DMRTB1: variants seen among roughly 807,000 people sequenced by gnomAD.
DMRTB1 encodes the protein DMRT like family B with proline rich C-terminal 1.
A neutral mutation model predicts 25.2 loss-of-function variants in DMRTB1; 9 were observed. The observed-to-expected ratio is 0.36, with a 90% CI of 0.22 to 0.62. The LOEUF is 0.62. Among genes scored for constraint, DMRTB1 ranks in the 20% least tolerant of loss-of-function variants. The probability of loss-of-function intolerance (pLI) is 0.71; values close to 1 mark genes in which losing one functional copy is unlikely to be tolerated. For missense variants in DMRTB1, 551 were observed against 499.3 expected (o/e 1.10, Z -0.99); for synonymous variants, 269 against 238.1 (o/e 1.13, Z -1.20).
At chr1:53,460,174 A>G (rs1557921659) in intron 1 of DMRTB1, 144 bp downstream of exon 1, 1 of 1,220,696 alleles carries the variant, frequency 8.2e-7, no homozygotes, top group East Asian at 3.1e-5. Flanking sequence ...CCCTTCTTCG[A>G]ACAGGGATTT....
intron 1 of DMRTB1, 76 bp downstream of exon 1, chr1:53,460,106 A>T: frequency 6.9e-7 from 1 of 1,455,810 alleles, no homozygotes; most frequent in South Asian, 1.4e-5. Context: ...GAGCTGGCAT[A>T]GGGGTTCGGG....
At chr1:53,462,359 C>G (rs1410838883) in intron 2 of DMRTB1, among the ~76,000 whole-genome samples, 1 of 152,134 alleles carries the variant, frequency 6.6e-6, no homozygotes, top group African/African-American at 2.4e-5. Flanking sequence ...CCCCCTCTCT[C>G]CTTAATGAAA....
In DMRTB1 at chr1:53,459,429, T is replaced by C. The variant is rs1644003850; in HGVS notation, c.-25T>C. The C allele has an allele frequency of 3.1e-6, 5 of 1,612,708 alleles. No homozygotes were observed. The highest frequency in any genetic ancestry group is 4.2e-6 in the Non-Finnish European group (5 of 1,179,898). On this transcript the variant is annotated 5_prime_UTR_variant, in exon 1 of 4. Coordinates refer to ENST00000371445, the MANE Select transcript of DMRTB1 (RefSeq NM_033067.3). ...CTCTGCAGCTCCCAGAGGTGGTGGT[T>C]GTGTTACGAAGGCTGACCCTGCCAA...
chr1:53,459,974 C>T lies in DMRTB1; in HGVS notation c.521C>T (p.Pro174Leu). Residue 174 changes from proline to leucine, a missense_variant, in exon 1 of 4, where the codon CCC becomes CTC. Pro to Leu is a moderately conservative substitution (Grantham distance 98). Transcript: ENST00000371445. ...GCCGCAGGCAGTGGCTACCCTGGCC[C>T]CCTAGACCTGCGCAGGCCGATGCGG... ...AEAAGSGYPG[P>L]LDLRRPMRTV... 1.9e-6 allele frequency: 3 copies of T among 1,584,608 alleles called. No homozygotes were observed. Among genetic ancestry groups the T allele is most frequent in the Non-Finnish European group, 2.6e-6 (3 of 1,174,392 alleles).
intron 1 of DMRTB1, 43 bp from the exon 2 acceptor site, chr1:53,461,430 C>T (rs200579516): frequency 2.0e-6 from 3 of 1,520,496 alleles, no homozygotes; most frequent in Non-Finnish European, 2.7e-6. Flanking sequence ...GGATGCTTTT[C>T]CCAGCGGTGT....
intron 3 of DMRTB1, among the ~76,000 whole-genome samples, chr1:53,465,903 A>C (rs773043946): frequency 6.6e-6 from 1 of 152,252 alleles, no homozygotes; most frequent in Non-Finnish European, 1.5e-5. Flanking sequence ...AGGATTAAAC[A>C]GAACCTGAAG....
In DMRTB1 at chr1:53,466,635, G is replaced by A. The variant is rs754754143; in HGVS notation, c.1002G>A (p.Gln334=). 4.3e-6 allele frequency: 7 copies of A among 1,614,230 alleles called. No homozygotes were observed. In the South Asian group the frequency reaches 7.7e-5, roughly 18 times the overall value. ...DAEVLSGEPS[Q]PSSQEQSD is the part of the protein sequence containing the mutation. Reference sequence around the variant, plus strand: ...AGGTACTGTCGGGTGAGCCCAGCCAGCCATCGTCTCAGGAGCAGTCCGACT... The same window carrying A: ...AGGTACTGTCGGGTGAGCCCAGCCAACCATCGTCTCAGGAGCAGTCCGACT... The change falls in exon 4 of 4, where the codon CAG becomes CAA. Residue 334 remains glutamine, a synonymous_variant. Coordinates refer to ENST00000371445, the MANE Select transcript of DMRTB1 (RefSeq NM_033067.3).
rs1355099544 is a variant in DMRTB1 at position 53,459,869 on chromosome 1, G to A, written c.416G>A (p.Gly139Asp). 5 of 1,507,766 alleles carry A rather than the reference G, an allele frequency of 3.3e-6. No homozygotes were observed. In the African/African-American group the frequency reaches 5.8e-5, roughly 17 times the overall value. The allele number at this position is 1,507,766 out of a possible 1,614,324, so 93.4% of individuals were successfully genotyped here. A position where few individuals can be genotyped will look rare whatever the true frequency, so the allele number is the denominator to read the frequency against. The change falls in exon 1 of 4, where the codon GGC (glycine) becomes GAC (aspartate). Residue 139 changes from glycine (G) to aspartate (D), a missense_variant. Physicochemically the swap from Gly to Asp is moderately conservative, Grantham distance 94 (BLOSUM62 -1). Transcript: ENST00000371445. ...CCGAGAGCCCTCCAGCCGGTTCTGGGCGGCCGCAGCCACGTGGAGCCGAGC... is the reference window on the plus strand; with the variant it reads ...CCGAGAGCCCTCCAGCCGGTTCTGGACGGCCGCAGCCACGTGGAGCCGAGC... ...PGPRALQPVLGGRSHVEPSER... is the reference protein window; with the variant it reads ...PGPRALQPVLDGRSHVEPSER...
In DMRTB1 at chr1:53,459,598, A is replaced by G; in HGVS notation, c.145A>G (p.Ile49Val). 1 of 1,594,948 alleles carries G rather than the reference A, an allele frequency of 6.3e-7. No homozygotes were observed. The highest frequency in any genetic ancestry group is 8.5e-7 in the Non-Finnish European group (1 of 1,171,086). ...CTACCTGATCTCCGAGCGCCAGAAG[A>G]TCATGGCCGCGCAGAAGGTGCTCAA... is the stretch of plus-strand genomic sequence containing the variant. ...KCYLISERQK[I>V]MAAQKVLKTQ... Residue 49 changes from isoleucine (I) to valine (V), a missense_variant, in exon 1 of 4, where the codon ATC becomes GTC. Ile to Val is a conservative substitution (Grantham distance 29). Coordinates refer to ENST00000371445, the MANE Select transcript of DMRTB1 (RefSeq NM_033067.3).
At chr1:53,464,261 G>T (rs767829814) in intron 2 of DMRTB1, among the ~76,000 whole-genome samples, 7 of 152,186 alleles carry the variant, frequency 4.6e-5, no homozygotes, top group Non-Finnish European at 8.8e-5. Context: ...CCACAAAGCA[G>T]CTCTGCGGCC....
rs774102883 is a variant in DMRTB1, at chr1:53,466,591, A to G, written c.962-4A>G. The stretch of plus-strand genomic sequence containing the variant: ...AATCCAGCTACCTTCTTTGTCCTTC[A>G]CAGATGACCAGGATGCAGAGGTACT... On this transcript the variant is annotated splice_region_variant and splice_polypyrimidine_tract_variant and intron_variant, in intron 3 of 3. Transcript: ENST00000371445. 3.7e-6 allele frequency: 6 copies of G among 1,614,142 alleles called. No homozygotes were observed. The highest frequency in any genetic ancestry group is 4.5e-5 in the East Asian group (2 of 44,886).
chr1:53,460,872 G>A (rs1468061723), intron 1 of DMRTB1, among the ~76,000 whole-genome samples: 1 of 152,184 alleles, frequency 6.6e-6, no homozygotes, highest in Non-Finnish European at 1.5e-5. Context: ...GGAGGCTCCC[G>A]CAGGCTCGTC....
At chr1:53,463,414 C>T (rs534144874) in intron 2 of DMRTB1, among the ~76,000 whole-genome samples, 39 of 152,254 alleles carry the variant, frequency 2.6e-4, no homozygotes, top group African/African-American at 8.2e-4. Flanking sequence ...CCACGTGACC[C>T]GTGGCAGTTA....
rs576142948 is a variant in DMRTB1 at position 53,464,741 on chromosome 1, G to A, written c.855G>A (p.Pro285=). The change falls in exon 3 of 4, where the codon CCG becomes CCA. Residue 285 remains proline (P), a synonymous_variant. Transcript: ENST00000371445. ...TTCCACCGCAGCCCCAGTTCCTCCC[G>A]CCAGGCTACCTCTCTGCGCTCCACT... ...PPLPPQPQFL[P]PGYLSALHFL... is the part of the protein sequence containing the mutation. 20 of 1,613,124 alleles carry A rather than the reference G, an allele frequency of 1.2e-5. No homozygotes were observed. Among genetic ancestry groups the A allele is most frequent in the East Asian group, 8.9e-5 (4 of 44,868 alleles).
intron 1 of DMRTB1, 122 bp downstream of exon 1, chr1:53,460,152 C>T (rs1455504908): frequency 7.7e-7 from 1 of 1,300,070 alleles, no homozygotes. Context: ...ACGGACCTTC[C>T]GCTTTGAGAA....
intron 2 of DMRTB1, among the ~76,000 whole-genome samples, chr1:53,464,369 A>G (rs945206146): frequency 2.0e-5 from 3 of 152,184 alleles, no homozygotes; most frequent in African/African-American, 7.2e-5. Context: ...CCCAAGCACA[A>G]TCGCCCTGGC....
intron 1 of DMRTB1, chr1:53,460,424 A>C: frequency 1.2e-5 from 2 of 162,492 alleles, no homozygotes; most frequent in Non-Finnish European, 2.7e-5. Context: ...GAATAACAGA[A>C]TTTTCCTGCC....
intron 3 of DMRTB1, 124 bp from the exon 4 acceptor site, chr1:53,466,471 A>G: frequency 1.1e-6 from 1 of 942,492 alleles, no homozygotes; most frequent in Non-Finnish European, 1.7e-6. Flanking sequence ...AGCCTGGGTG[A>G]CAGAGCGAGA....
intron 3 of DMRTB1, among the ~76,000 whole-genome samples, chr1:53,466,303 C>A (rs1320670240): frequency 2.0e-5 from 3 of 152,058 alleles, no homozygotes; most frequent in African/African-American, 7.2e-5. Flanking sequence ...CCAGCCTGGC[C>A]AACATGGGGC....
Sources: allele counts gnomAD v4.1 joint callset (sites outside exome capture counted in the v4.1 genomes callset), GRCh38; gene constraint gnomAD v4.1.1; transcripts MANE v1.5; gene names NCBI Gene and HGNC (gene_info 2026-07-23, HGNC 2026-07-21).